The following AKAP19 variants were observed in gnomAD, a reference collection of about 807,000 sequenced individuals.
AKAP19 encodes the protein small A-kinase anchoring protein.
chr2:190,056,006 C>A, the AKAP19 span: 1 of 152,440 alleles, frequency 6.6e-6, no homozygotes, highest in Non-Finnish European at 1.5e-5. Context: ...AACACAATGA[C>A]AGTAAACCAT....
At chr2:190,163,738 G>A in the AKAP19 span, among the ~76,000 whole-genome samples, 1 of 152,188 alleles carries the variant, frequency 6.6e-6, no homozygotes, top group African/African-American at 2.4e-5. Context: ...ATAGGGGAAA[G>A]ATCTAAATCA....
the AKAP19 span, among the ~76,000 whole-genome samples, chr2:189,979,385 T>C: frequency 6.6e-6 from 1 of 152,110 alleles, no homozygotes; most frequent in Non-Finnish European, 1.5e-5. Flanking sequence ...TATGCAGAAG[T>C]ATGAAACTTG....
chr2:189,985,501 C>G, the AKAP19 span, among the ~76,000 whole-genome samples: 1 of 152,152 alleles, frequency 6.6e-6, no homozygotes, highest in Non-Finnish European at 1.5e-5. Context: ...ATGTCCGTTG[C>G]TTTGAACTGC....
the AKAP19 span, among the ~76,000 whole-genome samples, chr2:189,882,576 A>G: frequency 2.7e-4 from 41 of 152,212 alleles, no homozygotes; most frequent in Admixed American, 9.2e-4. Context: ...TTCATTGAAT[A>G]CACAATTTAA....
the AKAP19 span, among the ~76,000 whole-genome samples, chr2:190,157,365 TATAC>T: frequency 4.3e-5 from 5 of 116,992 alleles, no homozygotes; most frequent in Non-Finnish European, 5.8e-5. Context: ...CCTAAACTTG[TATAC>T]ACACACACAC....
the AKAP19 span, among the ~76,000 whole-genome samples, chr2:190,096,971 G>C: frequency 6.6e-6 from 1 of 152,142 alleles, no homozygotes; most frequent in African/African-American, 2.4e-5. Flanking sequence ...TCTTGATACT[G>C]TTACACTGGG....
At chr2:189,917,264 TC>T in the AKAP19 span, 2 of 1,336,646 alleles carry the variant, frequency 1.5e-6, no homozygotes, top group Non-Finnish European at 2.1e-6. Context: ...GTCTTCGCTG[TC>T]TGAGCAAATC....
chr2:190,142,683 A>G, the AKAP19 span, among the ~76,000 whole-genome samples: 1 of 152,250 alleles, frequency 6.6e-6, no homozygotes, highest in African/African-American at 2.4e-5. Context: ...TGAGGCTAAC[A>G]AACTGGTACT....
At chr2:190,046,287 T>C in the AKAP19 span, among the ~76,000 whole-genome samples, 1 of 152,178 alleles carries the variant, frequency 6.6e-6, no homozygotes, top group Non-Finnish European at 1.5e-5. Context: ...TTTGTTTTTT[T>C]TTTACCTATA....
At chr2:189,992,023 G>T in the AKAP19 span, among the ~76,000 whole-genome samples, 1 of 150,262 alleles carries the variant, frequency 6.7e-6, no homozygotes, top group Non-Finnish European at 1.5e-5. Flanking sequence ...AAAAATAGAT[G>T]AATTTTTATA....
the AKAP19 span, chr2:190,181,228 T>C: frequency 1.2e-6 from 1 of 868,834 alleles, no homozygotes; most frequent in Non-Finnish European, 1.4e-6. Context: ...CAGGAGGCTT[T>C]AATTAAACGA....
At chr2:190,058,995 T>C in the AKAP19 span, among the ~76,000 whole-genome samples, 1 of 151,660 alleles carries the variant, frequency 6.6e-6, no homozygotes, top group African/African-American at 2.4e-5. Flanking sequence ...AACATGTGTG[T>C]GTGTGTATAA....
chr2:189,998,778 T>C, the AKAP19 span, among the ~76,000 whole-genome samples: 1 of 141,858 alleles, frequency 7.0e-6, no homozygotes, highest in African/African-American at 2.6e-5. Flanking sequence ...TTTCTTTTTT[T>C]TTTTTTTTTT....
the AKAP19 span, among the ~76,000 whole-genome samples, chr2:189,974,882 G>A: frequency 3.3e-5 from 5 of 152,092 alleles, no homozygotes; most frequent in South Asian, 2.1e-4. Context: ...ATCTCTGCAC[G>A]TGAGATGAGT....
chr2:190,069,783 T>C, the AKAP19 span, among the ~76,000 whole-genome samples: 1 of 152,216 alleles, frequency 6.6e-6, no homozygotes, highest in Non-Finnish European at 1.5e-5. Flanking sequence ...TGGTTTATGA[T>C]AGGTACTATG....
the AKAP19 span, among the ~76,000 whole-genome samples, chr2:190,177,332 G>A: frequency 2.6e-5 from 4 of 152,244 alleles, no homozygotes; most frequent in South Asian, 8.3e-4. The surrounding 1 kb of genome is among the most constrained non-coding windows in gnomAD (Gnocchi z 4.6). Context: ...TAGCGTACGT[G>A]AATTCTCTAG....
chr2:189,972,114 T>C, the AKAP19 span, among the ~76,000 whole-genome samples: 151,026 of 152,256 alleles, frequency 0.99, 74,923 homozygotes, highest in East Asian at 1. Flanking sequence ...TATGGTTTTA[T>C]GTCTAACATT....
chr2:189,936,633 G>C, the AKAP19 span, among the ~76,000 whole-genome samples: 1 of 151,288 alleles, frequency 6.6e-6, no homozygotes, highest in East Asian at 1.9e-4. Context: ...AGAAACAAAT[G>C]TCCACAAATT....
At chr2:190,022,306 C>T in the AKAP19 span, among the ~76,000 whole-genome samples, 49 of 152,090 alleles carry the variant, frequency 3.2e-4, no homozygotes, top group African/African-American at 9.4e-4. Context: ...AGATCATATA[C>T]GGATTGGCAG....
Sources: allele counts gnomAD v4.1 joint callset (sites outside exome capture counted in the v4.1 genomes callset), GRCh38; gene constraint gnomAD v4.1.1; non-coding constraint Gnocchi (gnomAD v3.1); transcripts MANE v1.5; gene names NCBI Gene and HGNC (gene_info 2026-07-23, HGNC 2026-07-21).